SMARCC1: variants seen among roughly 807,000 people sequenced by gnomAD.
SMARCC1 encodes the protein SWI/SNF related BAF chromatin remodeling complex subunit C1.
Under a neutral mutation model 147.4 loss-of-function variants are expected in SMARCC1, and 43 were observed. The ratio of observed to expected loss-of-function variants is 0.29; its 90% CI spans 0.23 to 0.38. The LOEUF is 0.38. Among genes scored for constraint, SMARCC1 ranks in the 10% least tolerant of loss-of-function variants. The probability of loss-of-function intolerance (pLI) is 1.00; values close to 1 mark genes in which losing one functional copy is unlikely to be tolerated. For missense variants in SMARCC1, 1,119 were observed against 1,381.1 expected (o/e 0.81, Z 3.01); for synonymous variants, 495 against 484.4 (o/e 1.02, Z -0.29).
intron 11 of SMARCC1, among the ~76,000 whole-genome samples, chr3:47,699,170 C>T (rs1041988639): frequency 4.6e-5 from 7 of 151,694 alleles, no homozygotes; most frequent in Non-Finnish European, 1.0e-4. Context: ...AGCACCTGTC[C>T]TCCAAAAAAA....
intron 19 of SMARCC1, among the ~76,000 whole-genome samples, chr3:47,669,913 A>T (rs1463273992): frequency 6.6e-6 from 1 of 152,224 alleles, no homozygotes; most frequent in Non-Finnish European, 1.5e-5. Flanking sequence ...GAGGACTGCG[A>T]TGTCAAACAA....
At chr3:47,731,580 T>C (rs1474344851) in intron 5 of SMARCC1, among the ~76,000 whole-genome samples, 1 of 152,188 alleles carries the variant, frequency 6.6e-6, no homozygotes, top group Non-Finnish European at 1.5e-5. Flanking sequence ...ATGTATTTCT[T>C]AAATAACAAG....
chr3:47,695,108 G>C (rs2106779756), intron 11 of SMARCC1, among the ~76,000 whole-genome samples: 1 of 152,284 alleles, frequency 6.6e-6, no homozygotes, highest in South Asian at 2.1e-4. Context: ...GTAGTGTCCT[G>C]GTATTTAGAA....
chr3:47,638,665 A>T (rs996721029), intron 22 of SMARCC1, 60 bp downstream of exon 22: 2 of 1,313,188 alleles, frequency 1.5e-6, no homozygotes, highest in African/African-American at 2.9e-5. Context: ...ACACCCAAAA[A>T]ACAAACCATT....
chr3:47,659,174 A>G (rs929974437), intron 21 of SMARCC1, among the ~76,000 whole-genome samples: 1 of 151,582 alleles, frequency 6.6e-6, no homozygotes, highest in Non-Finnish European at 1.5e-5. Flanking sequence ...AGAAAGTAAG[A>G]AAAGTCCAGG....
At chr3:47,685,556 TA>T (rs34711590) in intron 14 of SMARCC1, among the ~76,000 whole-genome samples, 740 of 139,198 alleles carry the variant, frequency 5.3e-3, no homozygotes, top group Middle Eastern at 7.4e-3. Context: ...TGTTTTTCTT[TA>T]AAAAAAAAAA....
chr3:47,622,378 C>T (rs758120877), intron 24 of SMARCC1, 37 bp from the exon 25 acceptor site: 2 of 1,602,072 alleles, frequency 1.2e-6, no homozygotes, highest in Non-Finnish European at 8.5e-7. Flanking sequence ...TTTAGGTAAA[C>T]ATTTGCTTAA....
At chr3:47,777,176 G>A (rs1043838325) in intron 1 of SMARCC1, among the ~76,000 whole-genome samples, 1 of 151,336 alleles carries the variant, frequency 6.6e-6, no homozygotes. Flanking sequence ...TCTGCCCACC[G>A]GGTTCCAGCG....
chr3:47,590,854 A>T lies in SMARCC1; in HGVS notation c.3044-17T>A. On this transcript the variant is annotated splice_polypyrimidine_tract_variant and intron_variant, in intron 26 of 27. Transcript: ENST00000254480. Reference sequence around the variant, plus strand: ...GTATCTGACCTGTGGAGGGAGATTTAAAGTACTGTAAGTATACTAGAAAGG... The same window carrying T: ...GTATCTGACCTGTGGAGGGAGATTTTAAGTACTGTAAGTATACTAGAAAGG... 1.9e-6 allele frequency: 3 copies of T among 1,597,052 alleles called. No homozygotes were observed. Among genetic ancestry groups the T allele is most frequent in the South Asian group, 2.3e-5 (2 of 87,926 alleles).
chr3:47,663,777 C>T, intron 19 of SMARCC1: 4 of 1,573,322 alleles, frequency 2.5e-6, no homozygotes, highest in East Asian at 2.2e-5. Flanking sequence ...GGTTGCCTGG[C>T]CACGGCGGCC....
chr3:47,720,367 C>G (rs1483380024), intron 7 of SMARCC1, among the ~76,000 whole-genome samples: 1 of 152,014 alleles, frequency 6.6e-6, no homozygotes, highest in Non-Finnish European at 1.5e-5. Flanking sequence ...TCATGATCCA[C>G]TGCCTCAGCC....
intron 2 of SMARCC1, among the ~76,000 whole-genome samples, chr3:47,751,908 T>G (rs1402102240): frequency 2.0e-5 from 3 of 151,732 alleles, no homozygotes; most frequent in Admixed American, 2.0e-4. Flanking sequence ...ATGGTGAAAC[T>G]CCATTACTAC....
intron 6 of SMARCC1, among the ~76,000 whole-genome samples, chr3:47,727,500 T>TCTG (rs1559655781): frequency 6.6e-6 from 1 of 151,572 alleles, no homozygotes; most frequent in African/African-American, 2.4e-5. Context: ...GAACAAAGAC[T>TCTG]ACATCTCAAA....
At chr3:47,771,609 T>C (rs895113378) in intron 2 of SMARCC1, among the ~76,000 whole-genome samples, 5 of 151,684 alleles carry the variant, frequency 3.3e-5, no homozygotes, top group Admixed American at 6.6e-5. Context: ...GTGCGGTGGG[T>C]GGTGCATGCC....
rs142007869 is a variant in SMARCC1, at chr3:47,653,315, T to C, written c.2320+7979A>G. Among the ~76,000 whole-genome samples the C allele has an allele frequency of 2.9e-3, 445 of 152,176 alleles. 2 individuals carry two copies. The highest frequency in any genetic ancestry group is 4.2e-3 in the Non-Finnish European group (287 of 67,996). On this transcript the variant is annotated intron_variant, in intron 21 of 27. Coordinates refer to ENST00000254480, the MANE Select transcript of SMARCC1 (RefSeq NM_003074.4). ...TTTCTTTTCTTATCCAAATTCACAA[T>C]GAAATGTTAGATAGGTTAATGACAG...
chr3:47,655,281 C>T (rs2033246328), intron 21 of SMARCC1, among the ~76,000 whole-genome samples: 1 of 152,172 alleles, frequency 6.6e-6, no homozygotes, highest in Non-Finnish European at 1.5e-5. Context: ...GCCTGTAGTT[C>T]TAGCTACTTG....
chr3:47,618,574 T>C (rs901119938), intron 25 of SMARCC1, among the ~76,000 whole-genome samples: 5 of 151,696 alleles, frequency 3.3e-5, no homozygotes, highest in Admixed American at 3.3e-4. Flanking sequence ...AGAGAAAAAA[T>C]AGTGAAGTTA....
chr3:47,634,797 G>A (rs1424594930), intron 24 of SMARCC1, among the ~76,000 whole-genome samples: 1 of 152,144 alleles, frequency 6.6e-6, no homozygotes, highest in African/African-American at 2.4e-5. Flanking sequence ...GAAGTATTTA[G>A]GCAAGGAAAC....
intron 2 of SMARCC1, among the ~76,000 whole-genome samples, chr3:47,751,998 C>T (rs1034415446): frequency 6.6e-6 from 1 of 152,064 alleles, no homozygotes; most frequent in African/African-American, 2.4e-5. Context: ...GCAGGAGAAT[C>T]ACTTGAACCC....
Sources: gnomAD v4.1 joint callset for allele counts (sites outside exome capture counted in the v4.1 genomes callset) on GRCh38, gnomAD v4.1.1 for gene constraint, MANE v1.5 for transcripts, NCBI Gene and HGNC (gene_info 2026-07-23, HGNC 2026-07-21) for gene names.